Variants in TMEM108 observed in about 807,000 individuals in gnomAD.
The protein encoded by TMEM108 is transmembrane protein 108, also known as cancer/testis antigen 124.
In TMEM108, 12 loss-of-function variants were observed where a neutral mutation model predicts 35.1. The observed-to-expected ratio is 0.34, with a 90% CI of 0.22 to 0.55. TMEM108 has a LOEUF of 0.55. TMEM108 is among the 20% of genes least tolerant of loss of function. The pLI is 0.89. For synonymous variants in TMEM108, 287 were observed against 308.6 expected, an observed-to-expected ratio of 0.93 and a Z score of 0.73; for missense variants, 680 against 753.3, an observed-to-expected ratio of 0.90 and a Z score of 1.14.
chr3:133,373,499 C>A (rs892785200), intron 3 of TMEM108, among the ~76,000 whole-genome samples: 1 of 152,016 alleles, frequency 6.6e-6, no homozygotes, highest in Non-Finnish European at 1.5e-5. Context: ...GGCCTGAGTC[C>A]CTCCCTGTCC....
rs544226178 is a variant in TMEM108 at position 133,058,117 on chromosome 3, T to A, written c.-47+12097T>A. Among the ~76,000 whole-genome samples, 3 of 152,304 alleles carry A rather than the reference T, an allele frequency of 2.0e-5. No homozygotes were observed. In the South Asian group the frequency reaches 6.2e-4, roughly 32 times the overall value. ...TTGAAAAAAAAATTGTTTTTGTAAT[T>A]ATGAGTACCAGGAAAAAAAAGTAAA... On this transcript the variant is annotated intron_variant, in intron 2 of 5. Coordinates refer to ENST00000321871, the MANE Select transcript of TMEM108 (RefSeq NM_023943.4).
chr3:133,057,447 A>G (rs1362214685), intron 2 of TMEM108, among the ~76,000 whole-genome samples: 501 of 25,390 alleles, frequency 0.02, 5 homozygotes, highest in African/African-American at 0.029. Context: ...ATATATATAT[A>G]TATATATATA....
chr3:133,077,746 A>G (rs1943759275), intron 2 of TMEM108, among the ~76,000 whole-genome samples: 1 of 152,134 alleles, frequency 6.6e-6, no homozygotes, highest in Non-Finnish European at 1.5e-5. Flanking sequence ...TGAGTTGGCT[A>G]GCTTCCTCTG....
intron 3 of TMEM108, among the ~76,000 whole-genome samples, chr3:133,234,453 C>G (rs1020188889): frequency 6.6e-6 from 1 of 152,078 alleles, no homozygotes; most frequent in Non-Finnish European, 1.5e-5. Flanking sequence ...AATATACGCA[C>G]ATCAATAAAT....
intron 2 of TMEM108, among the ~76,000 whole-genome samples, chr3:133,228,451 T>C (rs1271526029): frequency 6.6e-6 from 1 of 152,154 alleles, no homozygotes; most frequent in Non-Finnish European, 1.5e-5. Flanking sequence ...TGAGGAGCAA[T>C]TTGGTAATAT....
chr3:133,121,880 C>T (rs531379714), intron 2 of TMEM108, among the ~76,000 whole-genome samples: 1 of 152,152 alleles, frequency 6.6e-6, no homozygotes, highest in East Asian at 1.9e-4. Context: ...ATTTTTTTAA[C>T]GGAGTGTTCC....
At chr3:133,165,150 C>T (rs1174190595) in intron 2 of TMEM108, among the ~76,000 whole-genome samples, 1 of 152,200 alleles carries the variant, frequency 6.6e-6, no homozygotes, top group Non-Finnish European at 1.5e-5. Context: ...TCTCTATTTA[C>T]ATGGTGTATT....
chr3:133,168,596 A>G (rs971441155), intron 2 of TMEM108, among the ~76,000 whole-genome samples: 2 of 152,206 alleles, frequency 1.3e-5, no homozygotes, highest in African/African-American at 4.8e-5. Flanking sequence ...AAAACGGACC[A>G]ATCAGCACTC....
At chr3:133,326,958 A>C (rs1189759568) in intron 3 of TMEM108, among the ~76,000 whole-genome samples, 1 of 152,240 alleles carries the variant, frequency 6.6e-6, no homozygotes, top group Non-Finnish European at 1.5e-5. Flanking sequence ...TGATACTTGC[A>C]GAATGAATGA....
chr3:133,147,150 G>C (rs538517078), intron 2 of TMEM108, among the ~76,000 whole-genome samples: 2 of 152,244 alleles, frequency 1.3e-5, no homozygotes, highest in Admixed American at 6.5e-5. Context: ...CAGAGATTCT[G>C]TTACGTTGTG....
At chr3:133,266,467 T>C (rs1057271607) in intron 3 of TMEM108, among the ~76,000 whole-genome samples, 1 of 152,172 alleles carries the variant, frequency 6.6e-6, no homozygotes, top group Non-Finnish European at 1.5e-5. Context: ...CCACATACAG[T>C]AGGTCCTCAC....
At chr3:133,060,777 A>G (rs1943525730) in intron 2 of TMEM108, among the ~76,000 whole-genome samples, 1 of 152,186 alleles carries the variant, frequency 6.6e-6, no homozygotes, top group Non-Finnish European at 1.5e-5. Flanking sequence ...AGCTTCTAGT[A>G]TTTGTCTAAC....
At chr3:133,202,083 C>G (rs1945676595) in intron 2 of TMEM108, among the ~76,000 whole-genome samples, 2 of 152,182 alleles carry the variant, frequency 1.3e-5, no homozygotes, top group South Asian at 4.1e-4. Flanking sequence ...CGTTTGTTGG[C>G]TATATAAATG....
chr3:133,113,871 A>C (rs901772944), intron 2 of TMEM108, among the ~76,000 whole-genome samples: 3 of 152,108 alleles, frequency 2.0e-5, no homozygotes, highest in African/African-American at 7.2e-5. Context: ...GATTTTCAGG[A>C]TGTGGCTGCA....
intron 3 of TMEM108, among the ~76,000 whole-genome samples, chr3:133,254,718 T>C (rs1423498625): frequency 1.3e-5 from 2 of 152,230 alleles, no homozygotes; most frequent in Non-Finnish European, 1.5e-5. Flanking sequence ...AATCTATTAA[T>C]GTTTAACAAT....
intron 2 of TMEM108, among the ~76,000 whole-genome samples, chr3:133,214,852 T>A (rs139312042): frequency 6.6e-6 from 1 of 152,172 alleles, no homozygotes; most frequent in Non-Finnish European, 1.5e-5. Context: ...ACTGTGTGTG[T>A]GAGGGATCTA....
chr3:133,321,709 A>G (rs2071269924), intron 3 of TMEM108, among the ~76,000 whole-genome samples: 1 of 152,200 alleles, frequency 6.6e-6, no homozygotes, highest in Admixed American at 6.5e-5. Context: ...CATTCTACCC[A>G]ATAACTGCAG....
chr3:133,381,283 A>C, intron 4 of TMEM108, 122 bp downstream of exon 4: 13 of 1,051,506 alleles, frequency 1.2e-5, no homozygotes, highest in East Asian at 2.6e-5. Flanking sequence ...CCAGAATCTC[A>C]GGAAACTAGG....
chr3:133,095,064 C>T (rs1943996025), intron 2 of TMEM108, among the ~76,000 whole-genome samples: 2 of 152,158 alleles, frequency 1.3e-5, no homozygotes, highest in South Asian at 2.1e-4. Flanking sequence ...TTATCATTCC[C>T]TTAGGCCCTC....
Sources: gnomAD v4.1 joint callset for allele counts (sites outside exome capture counted in the v4.1 genomes callset) on GRCh38, gnomAD v4.1.1 for gene constraint, MANE v1.5 for transcripts, NCBI Gene and HGNC (gene_info 2026-07-23, HGNC 2026-07-21) for gene names.